The following CCDC178 variants were observed in gnomAD, a reference collection of about 807,000 sequenced individuals.
CCDC178 encodes coiled-coil domain-containing protein 178.
In CCDC178, 126 loss-of-function variants were observed where a neutral mutation model predicts 117.4. The observed-to-expected ratio is 1.07, with a 90% CI of 0.93 to 1.24. CCDC178 has a LOEUF of 1.24. Among genes scored for constraint, CCDC178 ranks in the 50% most tolerant of loss-of-function variants. The pLI is 0.00. For missense variants in CCDC178, 1,030 were observed against 986.9 expected (o/e 1.04, Z -0.59); for synonymous variants, 283 against 313.4 (o/e 0.90, Z 1.02).
chr18:33,055,693 G>C (rs574697045), intron 21 of CCDC178, among the ~76,000 whole-genome samples: 150 of 152,134 alleles, frequency 9.9e-4, no homozygotes, highest in African/African-American at 3.5e-3. Flanking sequence ...ATACAATGAA[G>C]CTATAAGTTC....
At chr18:33,322,530 C>G (rs12455467) in intron 11 of CCDC178, among the ~76,000 whole-genome samples, 1 of 151,312 alleles carries the variant, frequency 6.6e-6, no homozygotes, top group Admixed American at 6.6e-5. Context: ...ATAAATTTTT[C>G]TCACGGAAAT....
intron 2 of CCDC178, among the ~76,000 whole-genome samples, chr18:33,418,057 G>T (rs1173687875): frequency 6.6e-6 from 1 of 152,122 alleles, no homozygotes; most frequent in South Asian, 2.1e-4. Flanking sequence ...AAAATTTCAG[G>T]CCACTCTCCT....
chr18:33,158,440 T>G (rs2058426283), intron 20 of CCDC178, among the ~76,000 whole-genome samples: 1 of 152,128 alleles, frequency 6.6e-6, no homozygotes, highest in South Asian at 2.1e-4. Context: ...TTTAAATTCA[T>G]GTACTCTAAA....
intron 12 of CCDC178, among the ~76,000 whole-genome samples, chr18:33,292,188 T>A (rs1050219797): frequency 6.6e-6 from 1 of 152,146 alleles, no homozygotes; most frequent in African/African-American, 2.4e-5. Flanking sequence ...CCTGCTTCCA[T>A]CAATGGATGA....
chr18:33,255,980 A>G (rs184219379), intron 14 of CCDC178, among the ~76,000 whole-genome samples: 92 of 5,214 alleles, frequency 0.018, no homozygotes, highest in Non-Finnish European at 0.079. Context: ...GAAAGAGAGA[A>G]AAAAAAAAAA....
At chr18:33,181,887 A>G (rs1375472533) in intron 20 of CCDC178, among the ~76,000 whole-genome samples, 3 of 151,886 alleles carry the variant, frequency 2.0e-5, no homozygotes, top group African/African-American at 7.2e-5. Context: ...AAAGTCACTA[A>G]TCATAAAATC....
intron 14 of CCDC178, 84 bp from the exon 15 acceptor site, chr18:33,245,512 T>C (rs2059539816): frequency 8.1e-7 from 1 of 1,234,678 alleles, no homozygotes; most frequent in Non-Finnish European, 1.0e-6. Context: ...AATAAGATCA[T>C]ATTTTATGTT....
chr18:32,941,868 A>C (rs546332902), intron 22 of CCDC178, among the ~76,000 whole-genome samples: 100 of 152,276 alleles, frequency 6.6e-4, no homozygotes, highest in Middle Eastern at 3.4e-3. Context: ...ATCAAGGAAT[A>C]AACTTCCAGT....
At chr18:33,295,896 C>T (rs2062100686) in intron 11 of CCDC178, among the ~76,000 whole-genome samples, 1 of 152,162 alleles carries the variant, frequency 6.6e-6, no homozygotes, top group Non-Finnish European at 1.5e-5. Context: ...ATTAAACTTA[C>T]AGTCAACGTA....
Position 33,064,559 on chromosome 18 carries a change from C to T in CCDC178, c.2388+28202G>A, listed in dbSNP as rs79466931. Among the ~76,000 whole-genome samples, 429 of 152,162 alleles carry T rather than the reference C, an allele frequency of 2.8e-3. 20 individuals are homozygous for T. The East Asian group carries it at 0.077, about 27-fold the overall frequency. On this transcript the variant is annotated intron_variant, in intron 21 of 22. Coordinates refer to ENST00000383096, the MANE Select transcript of CCDC178 (RefSeq NM_001105528.4). ...AGTTAGAATGGCTATAATAAAAAGACAAAAAATATTTTTGATGAGGATGTG... is the reference window on the plus strand; with the variant it reads ...AGTTAGAATGGCTATAATAAAAAGATAAAAAATATTTTTGATGAGGATGTG...
At chr18:33,368,510 T>A (rs1342307013) in intron 6 of CCDC178, among the ~76,000 whole-genome samples, 1 of 151,936 alleles carries the variant, frequency 6.6e-6, no homozygotes, top group Admixed American at 6.6e-5. Flanking sequence ...AGATAAGATA[T>A]AAAATATCTT....
intron 20 of CCDC178, among the ~76,000 whole-genome samples, chr18:33,108,054 T>C (rs2057731479): frequency 2.0e-5 from 3 of 151,668 alleles, no homozygotes; most frequent in Non-Finnish European, 1.5e-5. Context: ...TGTCATGGTA[T>C]TTCAGAGGAC....
At chr18:33,412,767 C>A (rs1244289100) in intron 2 of CCDC178, among the ~76,000 whole-genome samples, 1 of 152,026 alleles carries the variant, frequency 6.6e-6, no homozygotes, top group Non-Finnish European at 1.5e-5. Flanking sequence ...TATCACTAAA[C>A]ATATTTTGTG....
chr18:33,356,348 T>C lies in CCDC178; in HGVS notation c.349-2A>G. 1 of 1,481,056 alleles carries C rather than the reference T, an allele frequency of 6.8e-7. No homozygotes were observed. The highest frequency in any genetic ancestry group is 1.8e-4 in the Middle Eastern group (1 of 5,664). 91.7% of individuals were successfully genotyped at this position (1,481,056 alleles called of 1,614,324 possible). A position where few individuals can be genotyped will look rare whatever the true frequency, so the allele number is the denominator to read the frequency against. ...CCATTCTTCAAAAGAAGTTTCAAAC[T>C]GTCAAAACAAAAGATCTCAATAAAA... On this transcript the variant is annotated splice_acceptor_variant, in intron 6 of 22. Coordinates refer to ENST00000383096, the MANE Select transcript of CCDC178 (RefSeq NM_001105528.4). LOFTEE classifies it high-confidence loss of function.
chr18:33,046,343 G>A (rs190133688), intron 21 of CCDC178, among the ~76,000 whole-genome samples: 119 of 152,148 alleles, frequency 7.8e-4, no homozygotes, highest in Middle Eastern at 6.8e-3. Context: ...GCTATGACTT[G>A]AACATAAATC....
intron 18 of CCDC178, among the ~76,000 whole-genome samples, chr18:33,219,693 C>T (rs1474145541): frequency 6.6e-6 from 1 of 151,988 alleles, no homozygotes; most frequent in Non-Finnish European, 1.5e-5. Context: ...CCAAACACCA[C>T]ATGTTCTCAC....
intron 5 of CCDC178, among the ~76,000 whole-genome samples, chr18:33,384,919 C>A (rs557607910): frequency 1.5e-4 from 23 of 152,124 alleles, no homozygotes; most frequent in Non-Finnish European, 2.5e-4. Context: ...CACAGAATGG[C>A]AAGCTGGATA....
intron 20 of CCDC178, among the ~76,000 whole-genome samples, chr18:33,170,854 T>C (rs150895560): frequency 0.015 from 2,259 of 152,326 alleles, 31 homozygotes; most frequent in Non-Finnish European, 0.026. Flanking sequence ...TAATCCATTG[T>C]GTTATTCTGG....
intron 20 of CCDC178, among the ~76,000 whole-genome samples, chr18:33,129,866 T>A (rs982271858): frequency 6.6e-6 from 1 of 152,048 alleles, no homozygotes; most frequent in Admixed American, 6.6e-5. Flanking sequence ...TCCATTGTTT[T>A]ATTCTTTACT....
Sources: allele counts gnomAD v4.1 joint callset (sites outside exome capture counted in the v4.1 genomes callset), GRCh38; gene constraint gnomAD v4.1.1; transcripts MANE v1.5; gene names NCBI Gene and HGNC (gene_info 2026-07-23, HGNC 2026-07-21).